Variants in LGMN observed in about 807,000 individuals in gnomAD.
LGMN encodes legumain, also known as asparaginyl endopeptidase.
LGMN carries 36 observed loss-of-function variants against 56.8 expected under a neutral mutation model. That is an observed-to-expected ratio of 0.63 (90% CI 0.49 to 0.84). The LOEUF (loss-of-function observed/expected upper bound fraction) is 0.84. LGMN is among the 40% of genes least tolerant of loss of function. The pLI is 0.00. For missense variants in LGMN, 446 were observed against 556.1 expected, an observed-to-expected ratio of 0.80 and a Z score of 1.99; for synonymous variants, 199 against 210.1, an observed-to-expected ratio of 0.95 and a Z score of 0.46.
chr14:92,733,022 A>G (rs559777329), intron 1 of LGMN, among the ~76,000 whole-genome samples: 17 of 152,038 alleles, frequency 1.1e-4, no homozygotes, highest in Middle Eastern at 3.4e-3. Context: ...GGTAGCACGT[A>G]CCTATAATCC....
chr14:92,705,908 A>T (rs1889405562), intron 12 of LGMN, among the ~76,000 whole-genome samples: 1 of 152,182 alleles, frequency 6.6e-6, no homozygotes, highest in African/African-American at 2.4e-5. Flanking sequence ...GATTGCAGAC[A>T]TGAGCCACCA....
Position 92,711,728 on chromosome 14 carries a change from G to A in LGMN, c.750C>T (p.Thr250=), listed in dbSNP as rs759043371. ...TTACCAGGTGGTACTGCTTGTGCAG[G>A]GTCTCTTTAGTCAGATCTTCCTGCA... The part of the protein sequence containing the change: ...DSDVEDLTKE[T]LHKQYHLVKS... Residue 250 remains threonine, a synonymous_variant, in exon 10 of 14, where the codon ACC becomes ACT. Transcript: ENST00000334869. 3 of 1,614,164 alleles carry A rather than the reference G, an allele frequency of 1.9e-6. No individual in the cohort carries two copies. In the Admixed American group the frequency reaches 5.0e-5, roughly 27 times the overall value.
chr14:92,727,031 T>C (rs1250922680), intron 2 of LGMN, among the ~76,000 whole-genome samples: 1 of 152,104 alleles, frequency 6.6e-6, no homozygotes, highest in Non-Finnish European at 1.5e-5. Flanking sequence ...TTTTTCTTCT[T>C]TGAGATTTTG....
In LGMN at chr14:92,732,706, G is replaced by A. The variant is rs1177481123; in HGVS notation, c.81C>T (p.Gly27=). ...CTGCCACGATCACCACCCAGTGCTT[G>A]CCTCCATCTTCAGGATCATCTATAG... ...AVPIDDPEDG[G]KHWVVIVAGS... The change falls in exon 2 of 14, where the codon GGC becomes GGT. Residue 27 remains glycine, a synonymous_variant. Transcript: ENST00000334869. The A allele has an allele frequency of 6.2e-7, 1 of 1,614,132 alleles. No homozygotes were observed. The highest frequency in any genetic ancestry group is 8.5e-7 in the Non-Finnish European group (1 of 1,180,006).
chr14:92,721,988 AC>A (rs1326780129), intron 2 of LGMN, among the ~76,000 whole-genome samples: 1 of 152,216 alleles, frequency 6.6e-6, no homozygotes, highest in African/African-American at 2.4e-5. Flanking sequence ...ATAGAAAAAT[AC>A]CTTCACTATG....
chr14:92,709,282 G>A (rs1889609395), intron 11 of LGMN, among the ~76,000 whole-genome samples: 1 of 152,038 alleles, frequency 6.6e-6, no homozygotes, highest in Non-Finnish European at 1.5e-5. Flanking sequence ...TGGGACTAGA[G>A]GCGCACGCCA....
At chr14:92,718,716 C>T in intron 3 of LGMN, 31 bp downstream of exon 3, 1 of 1,451,014 alleles carries the variant, frequency 6.9e-7, no homozygotes, top group East Asian at 2.3e-5. Context: ...TGAAGTCCTT[C>T]CCCACCAAGT....
At chr14:92,722,384 C>CA (rs1212395482) in intron 2 of LGMN, among the ~76,000 whole-genome samples, 6 of 152,138 alleles carry the variant, frequency 3.9e-5, no homozygotes, top group African/African-American at 1.4e-4. Flanking sequence ...AGTTCGAGAC[C>CA]AGGCTGGCCA....
chr14:92,712,514 A>C (rs1397630598), intron 8 of LGMN, among the ~76,000 whole-genome samples: 2 of 152,256 alleles, frequency 1.3e-5, no homozygotes, highest in South Asian at 2.1e-4. Flanking sequence ...GAGTGCAACC[A>C]ACACATTGCA....
intron 1 of LGMN, among the ~76,000 whole-genome samples, chr14:92,737,500 C>T (rs1482704573): frequency 1.3e-5 from 2 of 152,186 alleles, no homozygotes; most frequent in Non-Finnish European, 1.5e-5. Flanking sequence ...CACAAAGATG[C>T]CAGCAGTCAC....
At chr14:92,712,994 A>G (rs1889874057) in intron 7 of LGMN, 123 bp from the exon 8 acceptor site, 5 of 770,936 alleles carry the variant, frequency 6.5e-6, no homozygotes, top group Non-Finnish European at 1.0e-5. Context: ...GCTTCTGGAG[A>G]CATTACTGCT....
At chr14:92,746,851 A>C (rs1403134618) in intron 1 of LGMN, among the ~76,000 whole-genome samples, 1 of 151,870 alleles carries the variant, frequency 6.6e-6, no homozygotes, top group African/African-American at 2.4e-5. Context: ...CCTGGCTAAC[A>C]CGGTGAAACC....
chr14:92,737,414 T>C (rs944416986), intron 1 of LGMN, among the ~76,000 whole-genome samples: 1 of 151,940 alleles, frequency 6.6e-6, no homozygotes, highest in African/African-American at 2.4e-5. Context: ...TGCCAGGAGG[T>C]TGCCTTGAGA....
At chr14:92,738,845 C>G (rs1300230892) in intron 1 of LGMN, among the ~76,000 whole-genome samples, 2 of 151,328 alleles carry the variant, frequency 1.3e-5, no homozygotes, top group African/African-American at 2.4e-5. Flanking sequence ...AGGGTGAAAC[C>G]CTGTCTCTAC....
rs1267623428 is a variant in LGMN, at chr14:92,735,674, A to T, written c.-29-2859T>A. ...CTCCACCCTCAAGCACTGCCTCCTA[A>T]CAGGAACTTAATTCTTAATCCGAAA... On this transcript the variant is annotated intron_variant, in intron 1 of 13. Coordinates refer to ENST00000334869, the MANE Select transcript of LGMN (RefSeq NM_005606.7). Among the ~76,000 whole-genome samples the T allele has an allele frequency of 2.0e-5, 3 of 152,196 alleles. No individual in the cohort carries two copies. The East Asian group carries it at 5.8e-4, about 29-fold the overall frequency.
chr14:92,732,514 C>T, intron 2 of LGMN, 135 bp downstream of exon 2: 6 of 940,070 alleles, frequency 6.4e-6, no homozygotes, highest in Non-Finnish European at 9.7e-6. Flanking sequence ...TCCTCGCTAA[C>T]ACACCTATGT....
intron 2 of LGMN, among the ~76,000 whole-genome samples, chr14:92,726,635 A>G (rs1321571854): frequency 6.6e-6 from 1 of 152,090 alleles, no homozygotes; most frequent in Non-Finnish European, 1.5e-5. Flanking sequence ...AAAGAAAGGG[A>G]GAGTTGCTGA....
chr14:92,713,952 A>G, intron 6 of LGMN, 67 bp from the exon 7 acceptor site: 3 of 1,185,494 alleles, frequency 2.5e-6, no homozygotes, highest in South Asian at 1.2e-5. Flanking sequence ...AGCCACTAGT[A>G]AAGTTCTGAT....
At chr14:92,719,348 C>T (rs1373071978) in intron 2 of LGMN, among the ~76,000 whole-genome samples, 2 of 143,454 alleles carry the variant, frequency 1.4e-5, no homozygotes, top group Non-Finnish European at 3.0e-5. Flanking sequence ...ATCACCGCCA[C>T]CACCACCAAC....
Sources: allele counts gnomAD v4.1 joint callset (sites outside exome capture counted in the v4.1 genomes callset), GRCh38; gene constraint gnomAD v4.1.1; transcripts MANE v1.5; gene names NCBI Gene and HGNC (gene_info 2026-07-23, HGNC 2026-07-21).